CNTN3: variants seen among roughly 807,000 people sequenced by gnomAD.
CNTN3 encodes contactin-3.
A neutral mutation model predicts 119.1 loss-of-function variants in CNTN3; 60 were observed. The ratio of observed to expected loss-of-function variants is 0.50; its 90% confidence interval spans 0.41 to 0.62. The LOEUF is 0.62. Ranked by LOEUF, CNTN3 falls within the 20% of genes least tolerant of loss-of-function variation. CNTN3 has a pLI of 0.00. For missense variants in CNTN3, 1,101 were observed against 1,242.4 expected (o/e 0.89, Z 1.71); for synonymous variants, 450 against 438.7 (o/e 1.03, Z -0.32).
chr3:74,408,350 T>C (rs1701373949), intron 5 of CNTN3, among the ~76,000 whole-genome samples: 2 of 152,204 alleles, frequency 1.3e-5, no homozygotes, highest in Admixed American at 1.3e-4. Context: ...AGATTTGCAT[T>C]GAGTAAGTCT....
chr3:74,518,214 G>A (rs1703483468), intron 2 of CNTN3, among the ~76,000 whole-genome samples: 1 of 151,914 alleles, frequency 6.6e-6, no homozygotes, highest in Admixed American at 6.6e-5. Context: ...AGTAATCAAT[G>A]ATCAAGGTTA....
chr3:74,574,524 T>G (rs189618283), intron 1 of CNTN3, among the ~76,000 whole-genome samples: 1 of 152,206 alleles, frequency 6.6e-6, no homozygotes, highest in East Asian at 1.9e-4. Context: ...AAACCACGTT[T>G]AGGTTTAGTT....
At chr3:74,286,278 A>G (rs1323477715) in intron 19 of CNTN3, among the ~76,000 whole-genome samples, 3 of 152,152 alleles carry the variant, frequency 2.0e-5, no homozygotes, top group African/African-American at 7.2e-5. Context: ...ATGTCAGCAG[A>G]CCCAACCAGT....
At chr3:74,443,915 G>A (rs1454313252) in intron 4 of CNTN3, among the ~76,000 whole-genome samples, 1 of 152,084 alleles carries the variant, frequency 6.6e-6, no homozygotes, top group East Asian at 1.9e-4. Context: ...AAACAGAAAT[G>A]TATTGTCTCA....
chr3:74,456,046 T>G (rs1702262517), intron 4 of CNTN3, among the ~76,000 whole-genome samples: 2 of 152,034 alleles, frequency 1.3e-5, no homozygotes, highest in Admixed American at 1.3e-4. Flanking sequence ...CAGAATAATC[T>G]CCAAAACTGT....
intron 5 of CNTN3, among the ~76,000 whole-genome samples, chr3:74,404,707 A>G (rs1239779298): frequency 6.6e-6 from 1 of 152,018 alleles, no homozygotes; most frequent in Non-Finnish European, 1.5e-5. Flanking sequence ...CAGTTTCCTC[A>G]TCTGAAAAAT....
intron 4 of CNTN3, among the ~76,000 whole-genome samples, chr3:74,475,554 C>T (rs1702638967): frequency 6.6e-6 from 1 of 152,096 alleles, no homozygotes; most frequent in Admixed American, 6.6e-5. Flanking sequence ...GGGGAAAGGA[C>T]TAGAAAATTA....
chr3:74,328,146 CAATT>C (rs1290452135), intron 13 of CNTN3, among the ~76,000 whole-genome samples: 21 of 151,846 alleles, frequency 1.4e-4, no homozygotes, highest in Non-Finnish European at 2.7e-4. Context: ...TCTGTTACTT[CAATT>C]AATTACAGTA....
chr3:74,435,036 C>T (rs80168700), intron 4 of CNTN3, among the ~76,000 whole-genome samples: 3,102 of 152,256 alleles, frequency 0.02, 105 homozygotes, highest in African/African-American at 0.069. Context: ...ACTCCCACAA[C>T]CAGTTTGGCT....
intron 1 of CNTN3, among the ~76,000 whole-genome samples, chr3:74,542,763 C>T (rs771025472): frequency 2.0e-5 from 3 of 152,208 alleles, no homozygotes; most frequent in South Asian, 2.1e-4. Flanking sequence ...TTCCTGCTTA[C>T]GGCTTTCTAC....
chr3:74,505,025 T>C (rs549947004), intron 2 of CNTN3, among the ~76,000 whole-genome samples: 1 of 152,084 alleles, frequency 6.6e-6, no homozygotes, highest in African/African-American at 2.4e-5. Context: ...CTGCTTGGCT[T>C]GTAGATGGCT....
intron 4 of CNTN3, among the ~76,000 whole-genome samples, chr3:74,425,509 AAT>A (rs1193558488): frequency 1.3e-5 from 2 of 152,332 alleles, no homozygotes; most frequent in East Asian, 3.8e-4. Context: ...ATGTTGCTGA[AAT>A]AGTGTCTAAA....
chr3:74,590,291 C>T (rs1055386500), intron 1 of CNTN3, among the ~76,000 whole-genome samples: 2 of 151,930 alleles, frequency 1.3e-5, no homozygotes, highest in African/African-American at 4.8e-5. Flanking sequence ...CAGAAGTATA[C>T]TTTCCAATTC....
intron 1 of CNTN3, among the ~76,000 whole-genome samples, chr3:74,608,039 T>C (rs748499460): frequency 1.4e-4 from 21 of 152,218 alleles, no homozygotes; most frequent in Non-Finnish European, 2.6e-4. Context: ...GGAAGTTGGA[T>C]GAAGATTATA....
At chr3:74,570,780 C>A (rs1377879300) in intron 1 of CNTN3, among the ~76,000 whole-genome samples, 1 of 152,124 alleles carries the variant, frequency 6.6e-6, no homozygotes, top group Non-Finnish European at 1.5e-5. Flanking sequence ...AATTCTCTGA[C>A]GTATCACTTA....
At chr3:74,317,297 C>T (rs568220934) in intron 13 of CNTN3, among the ~76,000 whole-genome samples, 92 of 151,010 alleles carry the variant, frequency 6.1e-4, no homozygotes, top group Non-Finnish European at 8.3e-4. Flanking sequence ...ATCCAACTTG[C>T]CAGTCTGTGT....
intron 20 of CNTN3, among the ~76,000 whole-genome samples, chr3:74,281,136 T>C (rs1701999185): frequency 6.6e-6 from 1 of 151,998 alleles, no homozygotes; most frequent in South Asian, 2.1e-4. Context: ...ATTTTAAGGA[T>C]TTAGCATTTA....
intron 13 of CNTN3, among the ~76,000 whole-genome samples, chr3:74,313,140 CA>C (rs1702737588): frequency 6.6e-6 from 1 of 150,496 alleles, no homozygotes; most frequent in South Asian, 2.1e-4. Context: ...CAGAGAAAAA[CA>C]GACTGAAAAA....
chr3:74,553,712 T>C (rs1704027588), intron 1 of CNTN3, among the ~76,000 whole-genome samples: 1 of 152,252 alleles, frequency 6.6e-6, no homozygotes, highest in Non-Finnish European at 1.5e-5. Flanking sequence ...CATAAATGTC[T>C]TCTTTTGAGA....
Sources: gnomAD v4.1 joint callset for allele counts (sites outside exome capture counted in the v4.1 genomes callset) on GRCh38, gnomAD v4.1.1 for gene constraint, MANE v1.5 for transcripts, NCBI Gene and HGNC (gene_info 2026-07-23, HGNC 2026-07-21) for gene names.